Variants in NEMF observed in about 807,000 individuals in gnomAD.
NEMF encodes the protein ribosome quality control complex subunit NEMF.
A neutral mutation model predicts 162.2 loss-of-function variants in NEMF; 89 were observed. That is an observed-to-expected ratio of 0.55 (90% CI 0.46 to 0.65). The LOEUF (loss-of-function observed/expected upper bound fraction) is 0.65. Ranked by LOEUF, NEMF falls within the 30% of genes least tolerant of loss-of-function variation. The probability of loss-of-function intolerance (pLI) is 0.00; values close to 1 mark genes in which losing one functional copy is unlikely to be tolerated. For synonymous variants in NEMF, 421 were observed against 404.5 expected, an observed-to-expected ratio of 1.04 and a Z score of -0.49; for missense variants, 1,133 against 1,261.9, an observed-to-expected ratio of 0.90 and a Z score of 1.55.
At chr14:49,789,603 TATTC>T (rs1216103412) in intron 26 of NEMF, 30 bp from the exon 27 acceptor site, 3 of 1,590,774 alleles carry the variant, frequency 1.9e-6, no homozygotes, top group African/African-American at 1.4e-5. Flanking sequence ...TGGTTGGAAA[TATTC>T]AGCAGCAAAA....
At position 49,802,650 on chromosome 14, in the gene NEMF, C is replaced by A; in HGVS notation, c.1974+19G>T. The A allele has an allele frequency of 6.2e-7, 1 of 1,610,930 alleles. No homozygotes were observed. The highest frequency in any genetic ancestry group is 1.1e-5 in the South Asian group (1 of 90,530). ...AATCAGGAAAAAAACAAATAAATAA[C>A]CAAGAAGTTGAAGAGTACCTTAAAA... On this transcript the variant is annotated intron_variant, in intron 21 of 32. Coordinates refer to ENST00000298310, the MANE Select transcript of NEMF (RefSeq NM_004713.6).
chr14:49,834,358 CA>C lies in NEMF; in HGVS notation c.661+4del. The C allele has an allele frequency of 6.4e-7, 1 of 1,570,266 alleles. No individual in the cohort carries two copies. The highest frequency in any genetic ancestry group is 8.8e-7 in the Non-Finnish European group (1 of 1,141,178). ...ATAAATGAAAAATGTACCATGCAGA[CA>C]TACCTTTAGTTTCAAGTTTTTCATC... On this transcript the variant is annotated splice_donor_region_variant and intron_variant, in intron 7 of 32. Coordinates refer to ENST00000298310, the MANE Select transcript of NEMF (RefSeq NM_004713.6).
intron 18 of NEMF, among the ~76,000 whole-genome samples, chr14:49,806,405 C>T (rs536826845): frequency 6.7e-6 from 1 of 149,430 alleles, no homozygotes; most frequent in South Asian, 2.1e-4. Flanking sequence ...CAATTACCAG[C>T]GCCCGCCACC....
chr14:49,826,657 A>G (rs1013703088), intron 15 of NEMF, among the ~76,000 whole-genome samples: 1 of 152,184 alleles, frequency 6.6e-6, no homozygotes, highest in African/African-American at 2.4e-5. Context: ...CCACTCATTT[A>G]ACAGCTATTA....
chr14:49,782,272 T>TAAGA lies in NEMF; in HGVS notation c.*2360_*2363dup. 1 of 747,968 alleles carries TAAGA rather than the reference T, an allele frequency of 1.3e-6. No individual in the cohort carries two copies. Among genetic ancestry groups the TAAGA allele is most frequent in the Admixed American group, 2.7e-5 (1 of 37,390 alleles). 46.3% of individuals were successfully genotyped at this position (747,968 alleles called of 1,614,324 possible). On this transcript the variant is annotated 3_prime_UTR_variant, in exon 33 of 33. Transcript: ENST00000298310. Reference sequence around the variant, plus strand: ...CATGATGTTTTGGTCTGAACTACCTTAAGATCGCTAGTCTTTATTTCATAG... The same window carrying TAAGA: ...CATGATGTTTTGGTCTGAACTACCTTAAGAAAGATCGCTAGTCTTTATTTCATAG...
chr14:49,828,141 A>G lies in NEMF; in HGVS notation c.1488+150T>C, dbSNP rs147272947. ...AGGGGAGGAGCAGTCCTGGGGGGAA[A>G]AAATACTGGAAATACATATATTTAA... is the stretch of plus-strand genomic sequence containing the variant. On this transcript the variant is annotated intron_variant, in intron 15 of 32. Coordinates refer to ENST00000298310, the MANE Select transcript of NEMF (RefSeq NM_004713.6). 399 of 670,592 alleles carry G rather than the reference A, an allele frequency of 5.9e-4. 1 individual carries two copies. The African/African-American group carries it at 6.1e-3, about 10-fold the overall frequency. The allele number at this position is 670,592 out of a possible 1,614,324, so 41.5% of individuals were successfully genotyped here.
In NEMF at chr14:49,833,407, G is replaced by GTA; in HGVS notation, c.735+14_735+15dup. On this transcript the variant is annotated intron_variant, in intron 8 of 32. Coordinates refer to ENST00000298310, the MANE Select transcript of NEMF (RefSeq NM_004713.6). ...AATAAATCACAACAATATATAGTAA[G>GTA]TATACATGGTGCTACCTTCCCACTG... 1 of 1,500,202 alleles carries GTA rather than the reference G, an allele frequency of 6.7e-7. No individual in the cohort carries two copies. The highest frequency in any genetic ancestry group is 9.2e-7 in the Non-Finnish European group (1 of 1,092,820). 92.9% of individuals were successfully genotyped at this position (1,500,202 alleles called of 1,614,324 possible). A position where few individuals can be genotyped will look rare whatever the true frequency, so the allele number is the denominator to read the frequency against.
At chr14:49,810,962 C>T (rs886632896) in intron 18 of NEMF, among the ~76,000 whole-genome samples, 1 of 152,190 alleles carries the variant, frequency 6.6e-6, no homozygotes, top group Non-Finnish European at 1.5e-5. Context: ...TTATTACAGC[C>T]TGGGTGACAG....
chr14:49,814,939 G>A (rs554152937), intron 16 of NEMF, 82 bp from the exon 17 acceptor site: 1 of 778,660 alleles, frequency 1.3e-6, no homozygotes, highest in Admixed American at 3.0e-5. Context: ...AACAAAACAG[G>A]AAGCTATTTA....
In NEMF at chr14:49,799,655, T is replaced by C. The variant is rs1228064308; in HGVS notation, c.2396A>G (p.Lys799Arg). 6.2e-7 allele frequency: 1 copy of C among 1,612,438 alleles called. No individual in the cohort carries two copies. Among genetic ancestry groups the C allele is most frequent in the Admixed American group, 1.7e-5 (1 of 59,664 alleles). The part of the protein sequence containing the change: ...PQRSIQKLAS[K>R]EESSNSSDSK... Reference sequence around the variant, plus strand: ...GCTTACAGAATTAGAAGATTCCTCTTTTGAAGCCAATTTCTGGATGGACCT... The same window carrying C: ...GCTTACAGAATTAGAAGATTCCTCTCTTGAAGCCAATTTCTGGATGGACCT... The change falls in exon 24 of 33, where the codon AAA becomes AGA. Residue 799 changes from lysine (K) to arginine (R), a missense_variant. By Grantham distance (26) the Lys-to-Arg change is conservative. This residue lies in a region of NEMF where 532 missense variants were observed against 578.6 expected (regional missense o/e 0.92). Transcript: ENST00000298310.
intron 12 of NEMF, 24 bp downstream of exon 12, chr14:49,829,325 C>T: frequency 6.2e-7 from 1 of 1,613,752 alleles, no homozygotes. Flanking sequence ...TTTGAAAAAG[C>T]ACTGAGAAAG....
rs144875818 is a variant in NEMF at position 49,825,198 on chromosome 14, A to G, written c.1577+669T>C. ...TATGACTACAATTTAAATATTTATA[A>G]TGATGCCAATGCTATTAATCTTGAC... On this transcript the variant is annotated intron_variant, in intron 16 of 32. Transcript: ENST00000298310. Among the ~76,000 whole-genome samples, 521 of 152,362 alleles carry G rather than the reference A, an allele frequency of 3.4e-3. 1 individual carries two copies. Among genetic ancestry groups the G allele is most frequent in the Non-Finnish European group, 5.4e-3 (364 of 68,032 alleles).
At chr14:49,806,822 G>A (rs921743943) in intron 18 of NEMF, among the ~76,000 whole-genome samples, 1 of 152,110 alleles carries the variant, frequency 6.6e-6, no homozygotes, top group African/African-American at 2.4e-5. Context: ...TGAACATGAA[G>A]AGCATATATG....
intron 25 of NEMF, among the ~76,000 whole-genome samples, chr14:49,799,182 T>C (rs1445326700): frequency 1.0e-5 from 1 of 100,172 alleles, no homozygotes; most frequent in Non-Finnish European, 1.8e-5. Context: ...CACTCTAGCC[T>C]GGGCAACAAA....
intron 15 of NEMF, among the ~76,000 whole-genome samples, chr14:49,826,459 T>G (rs1255970968): frequency 6.7e-6 from 1 of 149,266 alleles, no homozygotes; most frequent in Admixed American, 6.8e-5. Flanking sequence ...AGAAGGTATC[T>G]CTGAGGAAAT....
At chr14:49,828,939 T>C in intron 13 of NEMF, 115 bp downstream of exon 13, 1 of 1,317,682 alleles carries the variant, frequency 7.6e-7, no homozygotes, top group South Asian at 1.5e-5. Context: ...CTAAATTAGT[T>C]TTTTCCCTTT....
chr14:49,814,400 G>A (rs185648065), intron 17 of NEMF, among the ~76,000 whole-genome samples: 18 of 152,190 alleles, frequency 1.2e-4, no homozygotes, highest in Admixed American at 7.9e-4. Context: ...CACCACGCCC[G>A]GCCAAGTCCT....
At chr14:49,799,411 T>G in intron 25 of NEMF, 64 bp downstream of exon 25, 94 of 1,334,574 alleles carry the variant, frequency 7.0e-5, no homozygotes, top group Non-Finnish European at 9.3e-5. Context: ...CTGTGGTAGC[T>G]GAGCTATCAA....
intron 19 of NEMF, among the ~76,000 whole-genome samples, chr14:49,803,833 A>T: frequency 6.6e-6 from 1 of 151,806 alleles, no homozygotes; most frequent in East Asian, 1.9e-4. Flanking sequence ...AATAATTTTC[A>T]AATGCCATGG....
Sources: allele counts gnomAD v4.1 joint callset (sites outside exome capture counted in the v4.1 genomes callset), GRCh38; gene constraint gnomAD v4.1.1; regional missense constraint gnomAD v4.1.1; transcripts MANE v1.5; gene names NCBI Gene and HGNC (gene_info 2026-07-23, HGNC 2026-07-21).